Variants in PLEKHA7 observed in about 807,000 individuals in gnomAD.
The protein encoded by PLEKHA7 is pleckstrin homology domain-containing family A member 7.
In PLEKHA7, 104 loss-of-function variants were observed where a neutral mutation model predicts 170.0. The ratio of observed to expected loss-of-function variants is 0.61; its 90% CI spans 0.52 to 0.72. The LOEUF (loss-of-function observed/expected upper bound fraction) is 0.72. PLEKHA7 is among the 30% of genes least tolerant of loss of function. PLEKHA7 has a pLI of 0.00. For missense variants in PLEKHA7, 1,615 were observed against 1,671.7 expected (o/e 0.97, Z 0.59); for synonymous variants, 648 against 660.8 (o/e 0.98, Z 0.30).
At chr11:16,849,969 G>A (rs149714117) in intron 8 of PLEKHA7, among the ~76,000 whole-genome samples, 113 of 152,272 alleles carry the variant, frequency 7.4e-4, no homozygotes, top group Admixed American at 1.8e-3. Context: ...AGGAAAGGTA[G>A]AAGGAAGATG....
intron 17 of PLEKHA7, among the ~76,000 whole-genome samples, chr11:16,798,561 G>C (rs1278674429): frequency 6.6e-6 from 1 of 152,126 alleles, no homozygotes; most frequent in Non-Finnish European, 1.5e-5. Context: ...CATACGAATA[G>C]ATATTTAACC....
chr11:16,988,010 A>G (rs1863835621), intron 3 of PLEKHA7, among the ~76,000 whole-genome samples: 1 of 152,240 alleles, frequency 6.6e-6, no homozygotes, highest in African/African-American at 2.4e-5. Context: ...GGCTCCCTGA[A>G]GTTGACTGCA....
intron 3 of PLEKHA7, among the ~76,000 whole-genome samples, chr11:16,880,475 A>C (rs1168872416): frequency 6.6e-6 from 1 of 152,232 alleles, no homozygotes; most frequent in Non-Finnish European, 1.5e-5. Context: ...TCTTCTGCTA[A>C]CTCTAAAACT....
intron 19 of PLEKHA7, among the ~76,000 whole-genome samples, chr11:16,792,651 T>C (rs956991639): frequency 2.6e-5 from 4 of 152,192 alleles, no homozygotes; most frequent in African/African-American, 7.2e-5. Flanking sequence ...TTGCTGGCAG[T>C]GTTCTATTTC....
At chr11:16,835,455 G>A (rs891843750) in intron 9 of PLEKHA7, among the ~76,000 whole-genome samples, 1 of 152,160 alleles carries the variant, frequency 6.6e-6, no homozygotes, top group Non-Finnish European at 1.5e-5. Context: ...AGAAGAGAGT[G>A]CAGTTTGTCC....
In PLEKHA7 at chr11:16,848,333, A is replaced by C. The variant is rs539788836; in HGVS notation, c.696+2858T>G. Among the ~76,000 whole-genome samples the C allele has an allele frequency of 2.0e-4, 30 of 152,260 alleles. 1 individual carries two copies. Among genetic ancestry groups the C allele is most frequent in the African/African-American group, 6.3e-4 (26 of 41,472 alleles). On this transcript the variant is annotated intron_variant, in intron 8 of 26. Transcript: ENST00000531066. ...ATCAGAGTGTGCAACAGAAGTTTTC[A>C]AACAGAACTACATAAGTGAAAAACC...
intron 4 of PLEKHA7, 60 bp from the exon 5 acceptor site, chr11:16,855,974 T>C: frequency 7.3e-7 from 1 of 1,367,120 alleles, no homozygotes; most frequent in South Asian, 1.2e-5. Flanking sequence ...GGAAGTGCAG[T>C]AAGATCAGTT....
In PLEKHA7 at chr11:16,801,088, A is replaced by G; in HGVS notation, c.2308-13T>C. 2 of 1,611,100 alleles carry G rather than the reference A, an allele frequency of 1.2e-6. No individual in the cohort carries two copies. Among genetic ancestry groups the G allele is most frequent in the Non-Finnish European group, 1.7e-6 (2 of 1,177,270 alleles). On this transcript the variant is annotated splice_polypyrimidine_tract_variant and intron_variant, in intron 16 of 26. Transcript: ENST00000531066. Reference sequence around the variant, plus strand: ...CATTTTCCATCTCCTGTTGGCCAAGACAATGCTTCCGGTTCTTAGTTATCC... The same window carrying G: ...CATTTTCCATCTCCTGTTGGCCAAGGCAATGCTTCCGGTTCTTAGTTATCC...
At chr11:16,890,937 T>C (rs1372245351) in intron 3 of PLEKHA7, among the ~76,000 whole-genome samples, 1 of 152,136 alleles carries the variant, frequency 6.6e-6, no homozygotes, top group Non-Finnish European at 1.5e-5. Flanking sequence ...GATCTTGCTC[T>C]GTCACCCAGG....
At chr11:17,011,239 C>T (rs1271877065) in intron 3 of PLEKHA7, among the ~76,000 whole-genome samples, 1 of 152,182 alleles carries the variant, frequency 6.6e-6, no homozygotes, top group African/African-American at 2.4e-5. Flanking sequence ...GGGCCCTGCC[C>T]CTGGGTGACG....
intron 8 of PLEKHA7, among the ~76,000 whole-genome samples, chr11:16,846,114 GTC>G (rs1321363762): frequency 4.6e-5 from 7 of 152,106 alleles, no homozygotes; most frequent in African/African-American, 1.4e-4. Flanking sequence ...GTGAAACCCA[GTC>G]TCTACTAAAA....
chr11:16,870,601 G>A lies in PLEKHA7; in HGVS notation c.305+498C>T, dbSNP rs545610049. On this transcript the variant is annotated intron_variant, in intron 4 of 26. Coordinates refer to ENST00000531066, the MANE Select transcript of PLEKHA7 (RefSeq NM_001329630.2). ...GCCAAGATTGTGCCACTGCACTCCA[G>A]CCTGGGTGACAAAGCCTGGGTGACA... 3.6e-4 allele frequency among the ~76,000 whole-genome samples: 53 copies of A among 148,320 alleles called. No homozygotes were observed. The South Asian group carries it at 0.011, about 31-fold the overall frequency.
At chr11:16,928,990 C>T (rs1288919038) in intron 3 of PLEKHA7, among the ~76,000 whole-genome samples, 4 of 152,118 alleles carry the variant, frequency 2.6e-5, no homozygotes, top group Non-Finnish European at 5.9e-5. Flanking sequence ...TTTTTACTTC[C>T]TCCTTTGGAA....
rs778155580 is a variant in PLEKHA7, at chr11:16,817,164, C to T, written c.1502G>A (p.Arg501Gln). The change falls in exon 11 of 27, where the codon CGA becomes CAA. Residue 501 changes from arginine (R) to glutamine (Q), a missense_variant. Physicochemically the swap from Arg to Gln is conservative, Grantham distance 43. Transcript: ENST00000531066. The surrounding 1 kb of genome is among the most constrained non-coding windows in gnomAD (Gnocchi z 4.4). ...ACTCGACATCTTCAGGTGGCTGGCTCGGTCCTGCGCATACTTGTAGTCACT... is the reference window on the plus strand; with the variant it reads ...ACTCGACATCTTCAGGTGGCTGGCTTGGTCCTGCGCATACTTGTAGTCACT... Reference protein sequence around the residue: ...LPSDYKYAQDRASHLKMSSEE... With the variant: ...LPSDYKYAQDQASHLKMSSEE... 1.4e-5 allele frequency: 23 copies of T among 1,614,074 alleles called. No homozygotes were observed. The highest frequency in any genetic ancestry group is 3.3e-5 in the Admixed American group (2 of 60,014).
intron 3 of PLEKHA7, among the ~76,000 whole-genome samples, chr11:16,939,079 T>A (rs1442433060): frequency 6.6e-6 from 1 of 152,218 alleles, no homozygotes; most frequent in Non-Finnish European, 1.5e-5. Context: ...TACCTAAGGA[T>A]GCCCAAGATC....
chr11:16,979,050 GTT>G (rs951277583), intron 3 of PLEKHA7, among the ~76,000 whole-genome samples: 14 of 152,116 alleles, frequency 9.2e-5, no homozygotes, highest in Non-Finnish European at 1.8e-4. Flanking sequence ...TTGTTGTTTT[GTT>G]TTTGAGACGC....
chr11:16,810,702 C>G (rs996195984), intron 13 of PLEKHA7, among the ~76,000 whole-genome samples: 1 of 152,198 alleles, frequency 6.6e-6, no homozygotes, highest in Non-Finnish European at 1.5e-5. Context: ...TGTAACTTGC[C>G]TCTCTCTATC....
At chr11:17,013,496 G>A (rs1192799038) in intron 3 of PLEKHA7, among the ~76,000 whole-genome samples, 2 of 152,104 alleles carry the variant, frequency 1.3e-5, no homozygotes, top group South Asian at 2.1e-4. Flanking sequence ...GACTCTCCAA[G>A]ACCATCCCAG....
intron 3 of PLEKHA7, among the ~76,000 whole-genome samples, chr11:16,896,963 T>C (rs550578329): frequency 5.3e-5 from 8 of 152,316 alleles, no homozygotes; most frequent in Middle Eastern, 3.4e-3. Context: ...ATTGTGGTTG[T>C]TGTGCTTACC....
Sources: gnomAD v4.1 joint callset for allele counts (sites outside exome capture counted in the v4.1 genomes callset) on GRCh38, gnomAD v4.1.1 for gene constraint, Gnocchi (gnomAD v3.1) non-coding constraint, MANE v1.5 for transcripts, NCBI Gene and HGNC (gene_info 2026-07-23, HGNC 2026-07-21) for gene names.